The following KYAT3 variants were observed in gnomAD, a reference collection of about 807,000 sequenced individuals.
KYAT3 encodes the protein kynurenine aminotransferase 3, also known as kynurenine--oxoglutarate transaminase 3.
Under a neutral mutation model 59.0 loss-of-function variants are expected in KYAT3, and 50 were observed. The ratio of observed to expected loss-of-function variants is 0.85; its 90% CI spans 0.68 to 1.07. The LOEUF is 1.07. KYAT3 is among the 50% of genes least tolerant of loss of function. The pLI is 0.00. For missense variants in KYAT3, 497 were observed against 533.3 expected (o/e 0.93, Z 0.67); for synonymous variants, 148 against 177.0 (o/e 0.84, Z 1.30).
chr1:88,989,621 T>C (rs1677670808), intron 1 of KYAT3, among the ~76,000 whole-genome samples: 3 of 152,162 alleles, frequency 2.0e-5, no homozygotes, highest in Non-Finnish European at 2.9e-5. Flanking sequence ...TTACATTGCA[T>C]GATGGAGGTA....
At chr1:88,936,716 CAT>C (rs1675052231) in intron 13 of KYAT3, among the ~76,000 whole-genome samples, 1 of 152,172 alleles carries the variant, frequency 6.6e-6, no homozygotes, top group Non-Finnish European at 1.5e-5. Flanking sequence ...TTCAAGGTTT[CAT>C]AGTTGTAATT....
intron 2 of KYAT3, chr1:88,981,938 G>C (rs1328847210): frequency 2.0e-6 from 2 of 980,964 alleles, no homozygotes; most frequent in Non-Finnish European, 2.4e-6. Flanking sequence ...GAAAGAGTAA[G>C]AGCAAGCACC....
chr1:88,971,347 A>C (rs968088370), intron 2 of KYAT3, among the ~76,000 whole-genome samples: 2 of 151,892 alleles, frequency 1.3e-5, no homozygotes, highest in African/African-American at 4.8e-5. Context: ...CTTCCCTCCC[A>C]ATTCTATGCC....
rs148810594 is a variant in KYAT3, at chr1:88,983,294, C to T, written c.99+4958G>A. The T allele has an allele frequency of 4.0e-4, 649 of 1,613,966 alleles. 2 individuals carry two copies. In the African/African-American group the frequency reaches 7.5e-3, roughly 19 times the overall value. Reference sequence around the variant, plus strand: ...TCCACGTGATAGAGGAGCTCTTCCTCCCATTCCACTGCTGCTGCGAACTAG... The same window carrying T: ...TCCACGTGATAGAGGAGCTCTTCCTTCCATTCCACTGCTGCTGCGAACTAG... On this transcript the variant is annotated intron_variant, in intron 2 of 13. Coordinates refer to ENST00000260508, the MANE Select transcript of KYAT3 (RefSeq NM_001008661.3).
At chr1:88,990,020 T>G (rs1403157369) in intron 1 of KYAT3, among the ~76,000 whole-genome samples, 1 of 152,146 alleles carries the variant, frequency 6.6e-6, no homozygotes, top group Non-Finnish European at 1.5e-5. Context: ...ATTCTTTAAA[T>G]TTTTCCCACA....
At chr1:88,927,422 G>A in the KYAT3 span, among the ~76,000 whole-genome samples, 2 of 152,118 alleles carry the variant, frequency 1.3e-5, no homozygotes, top group South Asian at 4.1e-4. Flanking sequence ...TAGAAAAGAA[G>A]GCAAATGGAG....
chr1:88,952,209 G>T (rs1675702065), intron 10 of KYAT3, among the ~76,000 whole-genome samples: 1 of 152,156 alleles, frequency 6.6e-6, no homozygotes, highest in Admixed American at 6.5e-5. Flanking sequence ...TCAATGTTTG[G>T]ATAGATCATG....
At chr1:88,949,779 A>C (rs893849607) in intron 10 of KYAT3, among the ~76,000 whole-genome samples, 3 of 152,208 alleles carry the variant, frequency 2.0e-5, no homozygotes, top group African/African-American at 7.2e-5. Context: ...AAGTTGGTCA[A>C]AGTGTAAGAG....
intron 2 of KYAT3, among the ~76,000 whole-genome samples, chr1:88,987,476 T>A (rs1186951236): frequency 2.0e-5 from 3 of 152,194 alleles, no homozygotes; most frequent in Non-Finnish European, 2.9e-5. Context: ...AGATTAGAAT[T>A]AGGTTGAATA....
In KYAT3 at chr1:88,936,215, T is replaced by G. The variant is rs1675031481; in HGVS notation, c.1333A>C (p.Ile445Leu). The change falls in exon 14 of 14, where the codon ATC becomes CTC. Residue 445 changes from isoleucine to leucine, a missense_variant. Physicochemically the swap from Ile to Leu is conservative, Grantham distance 5. This residue lies in a region of KYAT3 where 28 missense variants were observed against 54.2 expected (regional missense o/e 0.52). Transcript: ENST00000260508. Reference protein sequence around the residue: ...KDSTLDAAEEIIKAWSVQKS With the variant: ...KDSTLDAAEELIKAWSVQKS ...TTCTGTACACTCCATGCCTTGATGATTTCTTCAGCAGCATCCAGTGTGCTG... is the reference window on the plus strand; with the variant it reads ...TTCTGTACACTCCATGCCTTGATGAGTTCTTCAGCAGCATCCAGTGTGCTG... The G allele has an allele frequency of 6.2e-7, 1 of 1,611,674 alleles. No individual in the cohort carries two copies. Among genetic ancestry groups the G allele is most frequent in the African/African-American group, 1.3e-5 (1 of 75,046 alleles).
intron 13 of KYAT3, among the ~76,000 whole-genome samples, chr1:88,941,524 G>A (rs1233239200): frequency 7.4e-6 from 1 of 135,968 alleles, no homozygotes; most frequent in African/African-American, 2.5e-5. Context: ...TAGCATTCTA[G>A]GCTGTTATTT....
chr1:88,927,140 C>T, the KYAT3 span, among the ~76,000 whole-genome samples: 6 of 151,976 alleles, frequency 3.9e-5, no homozygotes, highest in East Asian at 1.9e-4. Flanking sequence ...CCATAGAGGA[C>T]GCTCTAGGAC....
At chr1:88,986,849 T>G (rs1010172499) in intron 2 of KYAT3, among the ~76,000 whole-genome samples, 4 of 152,188 alleles carry the variant, frequency 2.6e-5, no homozygotes, top group African/African-American at 9.6e-5. Flanking sequence ...TGGCCAGTGT[T>G]TTTCATTCGT....
chr1:88,926,887 G>A, the KYAT3 span, among the ~76,000 whole-genome samples: 2 of 152,118 alleles, frequency 1.3e-5, no homozygotes, highest in South Asian at 2.1e-4. Flanking sequence ...TCTTGATGGG[G>A]CAGCTGGGTT....
intron 1 of KYAT3, among the ~76,000 whole-genome samples, chr1:88,988,625 C>A (rs1677610183): frequency 6.6e-6 from 1 of 152,064 alleles, no homozygotes; most frequent in African/African-American, 2.4e-5. Context: ...AAAAATAAGG[C>A]TTTAATTTAG....
chr1:88,992,647 T>C (rs1677886341), upstream of KYAT3: 1 of 152,690 alleles, frequency 6.5e-6, no homozygotes, highest in South Asian at 2.1e-4. Flanking sequence ...AGGGCCCGGC[T>C]GGGCGGGATT....
At chr1:88,988,108 T>C in intron 2 of KYAT3, 144 bp downstream of exon 2, 1 of 570,696 alleles carries the variant, frequency 1.8e-6, no homozygotes, top group Non-Finnish European at 3.1e-6. Flanking sequence ...TCAATTCTAG[T>C]CAATGACAAG....
rs1676716602 is a variant in KYAT3 at position 88,974,964 on chromosome 1, C to G, written c.100-5497G>C. 2.0e-5 allele frequency among the ~76,000 whole-genome samples: 3 copies of G among 152,202 alleles called. No individual in the cohort carries two copies. In the South Asian group the frequency reaches 6.2e-4, roughly 32 times the overall value. On this transcript the variant is annotated intron_variant, in intron 2 of 13. Coordinates refer to ENST00000260508, the MANE Select transcript of KYAT3 (RefSeq NM_001008661.3). ...AATAAAGGCCGGCCACGTGAGCCAG[C>G]AGGGGCAACCTGTCCGGGTCCCCTT...
rs760092730 is a variant in KYAT3, at chr1:88,955,206, C to T, written c.807G>A (p.Trp269Ter). 3 of 1,611,312 alleles carry T rather than the reference C, an allele frequency of 1.9e-6. No individual in the cohort carries two copies. Among genetic ancestry groups the T allele is most frequent in the Non-Finnish European group, 2.5e-6 (3 of 1,177,870 alleles). ...HLKIATFPGM[W>*]ERTITIGSAG... ...CACTTCCTATTGTTATTGTTCTCTC[C>T]CACATACCTGGAAAAGTAGCTAAAC... Residue 269 changes from tryptophan (W) to a stop codon, truncating the protein, a stop_gained, in exon 9 of 14, where the codon TGG becomes TGA. Coordinates refer to ENST00000260508, the MANE Select transcript of KYAT3 (RefSeq NM_001008661.3). LOFTEE classifies it high-confidence loss of function.
Sources: allele counts gnomAD v4.1 joint callset (sites outside exome capture counted in the v4.1 genomes callset), GRCh38; gene constraint gnomAD v4.1.1; regional missense constraint gnomAD v4.1.1; transcripts MANE v1.5; gene names NCBI Gene and HGNC (gene_info 2026-07-23, HGNC 2026-07-21).